Variants in HHAT observed in about 807,000 individuals in gnomAD.
HHAT encodes protein-cysteine N-palmitoyltransferase HHAT.
HHAT carries 47 observed loss-of-function variants against 70.8 expected under a neutral mutation model. The observed-to-expected ratio is 0.66, with a 90% CI of 0.53 to 0.85. The LOEUF (loss-of-function observed/expected upper bound fraction) is 0.85. Ranked by LOEUF, HHAT falls within the 40% of genes least tolerant of loss-of-function variation. The pLI, the probability that HHAT is intolerant of heterozygous loss-of-function variation, is 0.00. For missense variants in HHAT, 609 were observed against 604.8 expected (o/e 1.01, Z -0.07); for synonymous variants, 228 against 247.6 (o/e 0.92, Z 0.74).
At chr1:210,385,124 A>G (rs1425933539) in intron 3 of HHAT, among the ~76,000 whole-genome samples, 2 of 140,910 alleles carry the variant, frequency 1.4e-5, no homozygotes, top group African/African-American at 2.5e-5. Context: ...GTTGTATTAT[A>G]TCCTTTTTTC....
At chr1:210,590,383 ATT>A (rs1193805920) in intron 10 of HHAT, 1 of 151,996 alleles carries the variant, frequency 6.6e-6, no homozygotes, top group Non-Finnish European at 1.5e-5. Flanking sequence ...CCTCAGTAGT[ATT>A]CAGAGTTCTC....
chr1:210,418,287 G>A lies in HHAT; in HGVS notation c.818G>A (p.Ser273Asn), dbSNP rs1408361995. 1 of 1,609,908 alleles carries A rather than the reference G, an allele frequency of 6.2e-7. No individual in the cohort carries two copies. The highest frequency in any genetic ancestry group is 1.3e-5 in the African/African-American group (1 of 74,850). Reference protein sequence around the residue: ...HLMYMHAIYSSIPLLETVSCW... With the variant: ...HLMYMHAIYSNIPLLETVSCW... ...ATGTACATGCATGCCATCTACAGCA[G>A]CATCCCCCTCCTGGAGACTGTCTCT... The change falls in exon 7 of 12, where the codon AGC (serine) becomes AAC (asparagine). Residue 273 changes from serine to asparagine, a missense_variant. By Grantham distance (46) the Ser-to-Asn change is conservative (BLOSUM62 1). Coordinates refer to ENST00000261458, the MANE Select transcript of HHAT (RefSeq NM_018194.6).
At chr1:210,437,376 G>A (rs924431852) in intron 7 of HHAT, among the ~76,000 whole-genome samples, 5 of 151,884 alleles carry the variant, frequency 3.3e-5, no homozygotes, top group African/African-American at 4.9e-5. Context: ...TGGCAGACAC[G>A]TTGGTGAATT....
chr1:210,644,698 T>G (rs1673681843), intron 11 of HHAT, among the ~76,000 whole-genome samples: 1 of 152,078 alleles, frequency 6.6e-6, no homozygotes, highest in Admixed American at 6.6e-5. Flanking sequence ...GTTTGGGAAC[T>G]TTTGCATAGC....
intron 6 of HHAT, 80 bp downstream of exon 6, chr1:210,404,759 A>T: frequency 8.3e-7 from 1 of 1,200,652 alleles, no homozygotes. Context: ...CTGACTCTTG[A>T]GTCGTTTTGT....
rs184404407 is a variant in HHAT, at chr1:210,565,822, T to C, written c.1044-22076T>C. ...TTCTTCAACCTAAGTTGTCTAAAAG[T>C]AGAAAGACTGTTTCACAAGCTGAGA... On this transcript the variant is annotated intron_variant, in intron 9 of 11. Coordinates refer to ENST00000261458, the MANE Select transcript of HHAT (RefSeq NM_018194.6). Among the ~76,000 whole-genome samples the C allele has an allele frequency of 1.8e-3, 272 of 152,284 alleles. No homozygotes were observed. In the Middle Eastern group the frequency reaches 0.02, roughly 11 times the overall value.
intron 4 of HHAT, 119 bp downstream of exon 4, chr1:210,387,700 A>G (rs2091187272): frequency 8.5e-6 from 6 of 702,894 alleles, no homozygotes; most frequent in Non-Finnish European, 1.5e-5. Context: ...GGAAAAAATG[A>G]TAAAGTTGTT....
intron 11 of HHAT, among the ~76,000 whole-genome samples, chr1:210,646,015 C>T (rs1206785256): frequency 6.6e-6 from 1 of 152,174 alleles, no homozygotes; most frequent in African/African-American, 2.4e-5. Context: ...CCCAGCTCAG[C>T]TGAGAGATAA....
chr1:210,607,507 A>G (rs1052569835), intron 10 of HHAT, among the ~76,000 whole-genome samples: 2 of 152,168 alleles, frequency 1.3e-5, no homozygotes, highest in Non-Finnish European at 2.9e-5. Context: ...GTTGAACAGA[A>G]TATAGCTGAG....
intron 7 of HHAT, among the ~76,000 whole-genome samples, chr1:210,449,390 G>C (rs2093702207): frequency 6.6e-6 from 1 of 151,898 alleles, no homozygotes; most frequent in Non-Finnish European, 1.5e-5. Context: ...CGTGGCTGAC[G>C]AGTGTGACCC....
chr1:210,411,797 G>A (rs1212785998), intron 6 of HHAT, among the ~76,000 whole-genome samples: 1 of 151,424 alleles, frequency 6.6e-6, no homozygotes, highest in African/African-American at 2.4e-5. Flanking sequence ...GGTCTAGAGT[G>A]ATTTTGCTGC....
At chr1:210,409,627 CCCAGT>C (rs2092457940) in intron 6 of HHAT, among the ~76,000 whole-genome samples, 1 of 152,158 alleles carries the variant, frequency 6.6e-6, no homozygotes, top group Non-Finnish European at 1.5e-5. Context: ...GCCCAGGTGG[CCCAGT>C]TGAATATCTG....
chr1:210,374,656 T>TCA (rs34078365), intron 3 of HHAT, among the ~76,000 whole-genome samples: 18,370 of 152,142 alleles, frequency 0.12, 1,191 homozygotes, highest in Non-Finnish European at 0.15. Flanking sequence ...TACGATTTGT[T>TCA]ATCTTTAGCA....
chr1:210,604,930 C>T (rs540150164), intron 10 of HHAT, among the ~76,000 whole-genome samples: 100 of 152,228 alleles, frequency 6.6e-4, no homozygotes, highest in Middle Eastern at 3.4e-3. Context: ...GGCAGAAGAT[C>T]GCTTGAGGCC....
chr1:210,417,236 T>G (rs1020137747), intron 6 of HHAT, among the ~76,000 whole-genome samples: 8 of 152,110 alleles, frequency 5.3e-5, no homozygotes, highest in African/African-American at 9.7e-5. Flanking sequence ...ATTTTACTTT[T>G]GTTTTGTTTT....
chr1:210,496,612 G>A (rs1354808355), intron 8 of HHAT, among the ~76,000 whole-genome samples: 2 of 152,176 alleles, frequency 1.3e-5, no homozygotes, highest in African/African-American at 4.8e-5. Flanking sequence ...TGGGTCATGT[G>A]AGAAAGTGTT....
chr1:210,400,367 T>A, intron 4 of HHAT, 101 bp from the exon 5 acceptor site: 1 of 1,074,746 alleles, frequency 9.3e-7, no homozygotes, highest in Non-Finnish European at 1.3e-6. Flanking sequence ...TCCTCTTACA[T>A]GTAGAACCTT....
intron 10 of HHAT, among the ~76,000 whole-genome samples, chr1:210,597,546 A>G (rs1387592758): frequency 6.6e-6 from 1 of 152,104 alleles, no homozygotes; most frequent in African/African-American, 2.4e-5. Context: ...AGGCTGCAAT[A>G]CAAAGTCCCT....
At position 210,504,885 on chromosome 1, in the gene HHAT, C is replaced by T. The variant is rs535446106; in HGVS notation, c.1008-8268C>T. Among the ~76,000 whole-genome samples the T allele has an allele frequency of 5.3e-5, 8 of 150,440 alleles. No individual in the cohort carries two copies. The South Asian group carries it at 1.3e-3, about 24-fold the overall frequency. ...TTCACTTCACTTCTCACTATGTTCC[C>T]GGCGTAGCTTTTTATTCTTTTTTTT... On this transcript the variant is annotated intron_variant, in intron 8 of 11. Transcript: ENST00000261458.
Sources: allele counts gnomAD v4.1 joint callset (sites outside exome capture counted in the v4.1 genomes callset), GRCh38; gene constraint gnomAD v4.1.1; transcripts MANE v1.5; gene names NCBI Gene and HGNC (gene_info 2026-07-23, HGNC 2026-07-21).